Variants in SUDS3 observed in about 807,000 individuals in gnomAD.
SUDS3 encodes the protein SIN3A corepressor complex component SDS3.
SUDS3 carries 23 observed loss-of-function variants against 53.5 expected under a neutral mutation model. The observed-to-expected ratio is 0.43, with a 90% CI of 0.31 to 0.61. The LOEUF is 0.61. Among genes scored for constraint, SUDS3 ranks in the 20% least tolerant of loss-of-function variants. The probability of loss-of-function intolerance (pLI) is 0.10; values close to 1 mark genes in which losing one functional copy is unlikely to be tolerated. For synonymous variants in SUDS3, 150 were observed against 148.5 expected, an observed-to-expected ratio of 1.01 and a Z score of -0.08; for missense variants, 291 against 405.9, an observed-to-expected ratio of 0.72 and a Z score of 2.43.
At chr12:118,398,550 A>G (rs957678286) in intron 6 of SUDS3, among the ~76,000 whole-genome samples, 1 of 147,140 alleles carries the variant, frequency 6.8e-6, no homozygotes, top group African/African-American at 2.5e-5. Flanking sequence ...TTTTACCTCT[A>G]TTCCATTCAT....
At chr12:118,395,223 T>G (rs1006298046) in intron 6 of SUDS3, among the ~76,000 whole-genome samples, 2 of 138,380 alleles carry the variant, frequency 1.4e-5, no homozygotes, top group East Asian at 4.6e-4. Context: ...AGGGTTTTTT[T>G]TTTTTTTTTT....
intron 11 of SUDS3, among the ~76,000 whole-genome samples, chr12:118,413,574 CAG>C (rs1263453535): frequency 1.3e-5 from 2 of 152,286 alleles, no homozygotes; most frequent in East Asian, 1.9e-4. Context: ...AACCCTGGCT[CAG>C]GGGGTCAGGT....
chr12:118,404,994 T>G (rs772829036), intron 10 of SUDS3, among the ~76,000 whole-genome samples: 8 of 152,222 alleles, frequency 5.3e-5, no homozygotes, highest in Non-Finnish European at 8.8e-5. Flanking sequence ...TGGCTTTATC[T>G]CTAAGGCTGA....
chr12:118,413,925 T>C (rs950000971), intron 11 of SUDS3, among the ~76,000 whole-genome samples: 1 of 152,200 alleles, frequency 6.6e-6, no homozygotes, highest in Non-Finnish European at 1.5e-5. Flanking sequence ...TTGTATAATA[T>C]GGAAGTCCCT....
chr12:118,399,139 A>C (rs555126156), intron 6 of SUDS3, among the ~76,000 whole-genome samples: 3 of 152,260 alleles, frequency 2.0e-5, no homozygotes, highest in African/African-American at 7.2e-5. Context: ...GTGAATGAAG[A>C]AGAAGGGAGG....
At chr12:118,383,096 G>A (rs2141362259) in intron 2 of SUDS3, among the ~76,000 whole-genome samples, 1 of 152,310 alleles carries the variant, frequency 6.6e-6, no homozygotes, top group Non-Finnish European at 1.5e-5. Context: ...CTCAAATTCT[G>A]CCTACTCTCC....
chr12:118,411,589 C>G (rs1465056014), intron 11 of SUDS3, among the ~76,000 whole-genome samples: 1 of 152,044 alleles, frequency 6.6e-6, no homozygotes, highest in African/African-American at 2.4e-5. Context: ...CTTCCACCTC[C>G]CAGGTTCAAG....
chr12:118,384,024 C>G lies in SUDS3; in HGVS notation c.225C>G (p.Asp75Glu). Residue 75 changes from aspartate (D) to glutamate (E), a missense_variant, in exon 3 of 12, where the codon GAC (aspartate) becomes GAG (glutamate). Transcript: ENST00000543473. The part of the protein sequence containing the change: ...YVEMKEQMYQ[D>E]KLASLKRQLQ... ...TTTTTTTTTATAGGATGTATCAGGA[C>G]AAACTGGCTTCTCTCAAGAGGCAGT... is the stretch of plus-strand genomic sequence containing the variant. The G allele has an allele frequency of 6.2e-7, 1 of 1,612,644 alleles. No homozygotes were observed.
intron 6 of SUDS3, among the ~76,000 whole-genome samples, chr12:118,396,175 A>G (rs1005285745): frequency 2.0e-5 from 3 of 152,212 alleles, no homozygotes; most frequent in Admixed American, 6.5e-5. Flanking sequence ...CCAATCTGCT[A>G]TAATGTTTAC....
intron 5 of SUDS3, among the ~76,000 whole-genome samples, chr12:118,390,246 T>C (rs2046153248): frequency 6.6e-6 from 1 of 152,240 alleles, no homozygotes; most frequent in Non-Finnish European, 1.5e-5. Context: ...TAGTTTGATA[T>C]TGGTCCTTGA....
Position 118,415,501 on chromosome 12 carries a change from A to T in SUDS3, c.*1068A>T, listed in dbSNP as rs2046392417. ...CTCTGCTGTGGCTGCCTCTGGACTGACACCCTCCCTAATGAGTCCTGATGA... is the reference window on the plus strand; with the variant it reads ...CTCTGCTGTGGCTGCCTCTGGACTGTCACCCTCCCTAATGAGTCCTGATGA... On this transcript the variant is annotated 3_prime_UTR_variant, in exon 12 of 12. Coordinates refer to ENST00000543473, the MANE Select transcript of SUDS3 (RefSeq NM_022491.3). 1 of 152,000 alleles carries T rather than the reference A, an allele frequency of 6.6e-6. No individual in the cohort carries two copies. The allele number at this position is 152,000 out of a possible 1,614,324, so 9.4% of individuals were successfully genotyped here. A position where few individuals can be genotyped will look rare whatever the true frequency, so the allele number is the denominator to read the frequency against.
At chr12:118,394,574 A>C (rs572931108) in intron 6 of SUDS3, among the ~76,000 whole-genome samples, 9 of 152,166 alleles carry the variant, frequency 5.9e-5, no homozygotes, top group Non-Finnish European at 1.3e-4. Context: ...GTCTTCTAGG[A>C]GGCTATTTTC....
At chr12:118,402,303 A>G in intron 9 of SUDS3, 1 of 425,224 alleles carries the variant, frequency 2.4e-6, no homozygotes, top group Non-Finnish European at 4.1e-6. Context: ...TTAAGTACAC[A>G]TCCATTTTTG....
intron 6 of SUDS3, among the ~76,000 whole-genome samples, chr12:118,393,068 C>T (rs546348948): frequency 6.6e-6 from 1 of 152,262 alleles, no homozygotes; most frequent in African/African-American, 2.4e-5. Flanking sequence ...CCTCAGGGCA[C>T]CTTTGATACC....
At chr12:118,400,790 T>C (rs1254012605) in intron 7 of SUDS3, 36 bp downstream of exon 7, 1 of 1,590,330 alleles carries the variant, frequency 6.3e-7, no homozygotes, top group South Asian at 1.1e-5. Flanking sequence ...CGCCTTTCTT[T>C]TTTAAGACTG....
chr12:118,403,438 C>G lies in SUDS3; in HGVS notation c.724C>G (p.Pro242Ala). The change falls in exon 10 of 12, where the codon CCT becomes GCT. Residue 242 changes from proline to alanine, a missense_variant. Physicochemically the swap from Pro to Ala is conservative, Grantham distance 27. Coordinates refer to ENST00000543473, the MANE Select transcript of SUDS3 (RefSeq NM_022491.3). ...ATCTCCATCCTCTCCTGAGCACTTG[C>G]CTGCAACACCCGCGGAATCTCCAGC... ...PASPSSPEHL[P>A]ATPAESPAQR... 3 of 1,613,642 alleles carry G rather than the reference C, an allele frequency of 1.9e-6. No individual in the cohort carries two copies. The highest frequency in any genetic ancestry group is 2.2e-5 in the East Asian group (1 of 44,890).
Position 118,391,107 on chromosome 12 carries a change from G to T in SUDS3, c.361-19G>T, listed in dbSNP as rs146552946. 4,654 of 1,611,428 alleles carry T rather than the reference G, an allele frequency of 2.9e-3. 7 individuals carry two copies. Among genetic ancestry groups the T allele is most frequent in the Non-Finnish European group, 3.6e-3 (4,249 of 1,179,072 alleles). On this transcript the variant is annotated intron_variant, in intron 5 of 11. Coordinates refer to ENST00000543473, the MANE Select transcript of SUDS3 (RefSeq NM_022491.3). Reference sequence around the variant, plus strand: ...TCCCAGGGCTGTGTACTCCCAGCCCGTGTTTCTCTTTTGCTCAGACTGAAC... The same window carrying T: ...TCCCAGGGCTGTGTACTCCCAGCCCTTGTTTCTCTTTTGCTCAGACTGAAC...
rs555749974 is a variant in SUDS3, at chr12:118,381,543, C to T, written c.212+1312C>T. Among the ~76,000 whole-genome samples the T allele has an allele frequency of 3.2e-4, 49 of 152,120 alleles. 1 individual carries two copies. The highest frequency in any genetic ancestry group is 6.0e-4 in the Non-Finnish European group (41 of 67,986). ...GACTACAGGCACATGCCACCATGCCCGGCTAATAATTTTCGTATTTTTAAT... is the reference window on the plus strand; with the variant it reads ...GACTACAGGCACATGCCACCATGCCTGGCTAATAATTTTCGTATTTTTAAT... On this transcript the variant is annotated intron_variant, in intron 2 of 11. Coordinates refer to ENST00000543473, the MANE Select transcript of SUDS3 (RefSeq NM_022491.3).
intron 10 of SUDS3, among the ~76,000 whole-genome samples, chr12:118,409,803 C>G (rs545656441): frequency 6.6e-6 from 1 of 152,390 alleles, no homozygotes; most frequent in South Asian, 2.1e-4. Context: ...ATACTTCCAA[C>G]TCTTGTAATC....
Sources: allele counts gnomAD v4.1 joint callset (sites outside exome capture counted in the v4.1 genomes callset), GRCh38; gene constraint gnomAD v4.1.1; transcripts MANE v1.5; gene names NCBI Gene and HGNC (gene_info 2026-07-23, HGNC 2026-07-21).